Variants in STXBP5 observed in about 807,000 individuals in gnomAD.
The protein encoded by STXBP5 is syntaxin-binding protein 5.
In STXBP5, 50 loss-of-function variants were observed where a neutral mutation model predicts 152.4. The observed-to-expected ratio is 0.33, with a 90% CI of 0.26 to 0.42. The LOEUF (loss-of-function observed/expected upper bound fraction) is 0.42, where lower values mean the gene tolerates loss of function less well. Among genes scored for constraint, STXBP5 ranks in the 10% least tolerant of loss-of-function variants. The pLI is 1.00. For synonymous variants in STXBP5, 492 were observed against 494.7 expected (o/e 0.99, Z 0.07); for missense variants, 1,167 against 1,388.6 (o/e 0.84, Z 2.54).
chr6:147,242,899 A>G (rs920069205), intron 4 of STXBP5, among the ~76,000 whole-genome samples: 1 of 152,204 alleles, frequency 6.6e-6, no homozygotes, highest in Admixed American at 6.5e-5. Flanking sequence ...ACTGAGCAAT[A>G]TGCATTTAAT....
intron 4 of STXBP5, among the ~76,000 whole-genome samples, chr6:147,248,388 A>G (rs1438331946): frequency 6.6e-6 from 1 of 152,134 alleles, no homozygotes; most frequent in Non-Finnish European, 1.5e-5. Flanking sequence ...GCAAATGTAT[A>G]TTACAATATG....
At chr6:147,229,248 G>A (rs530849828) in intron 2 of STXBP5, among the ~76,000 whole-genome samples, 3 of 151,856 alleles carry the variant, frequency 2.0e-5, no homozygotes, top group East Asian at 1.9e-4. Context: ...ATTTGTTTTC[G>A]TGAATAATTC....
chr6:147,358,846 G>A (rs574069523), intron 22 of STXBP5, among the ~76,000 whole-genome samples: 1 of 152,224 alleles, frequency 6.6e-6, no homozygotes, highest in South Asian at 2.1e-4. Flanking sequence ...GAGAAAGAGG[G>A]AGGGGTTGGT....
At chr6:147,272,064 T>C (rs1780199401) in intron 7 of STXBP5, among the ~76,000 whole-genome samples, 1 of 152,158 alleles carries the variant, frequency 6.6e-6, no homozygotes, top group African/African-American at 2.4e-5. Flanking sequence ...GTACCGACGC[T>C]CACTCTGAAA....
At chr6:147,276,008 T>C (rs1386852823) in intron 7 of STXBP5, among the ~76,000 whole-genome samples, 3 of 152,202 alleles carry the variant, frequency 2.0e-5, no homozygotes, top group African/African-American at 4.8e-5. Flanking sequence ...TCAGATTTGC[T>C]CCTAACCCAC....
intron 22 of STXBP5, among the ~76,000 whole-genome samples, chr6:147,357,390 A>G (rs1784863569): frequency 6.6e-6 from 1 of 152,146 alleles, no homozygotes; most frequent in Non-Finnish European, 1.5e-5. Context: ...ATTTCTCACA[A>G]TGAACTGAAA....
intron 5 of STXBP5, 52 bp from the exon 6 acceptor site, chr6:147,262,238 A>G (rs1169357130): frequency 9.2e-6 from 9 of 974,298 alleles, no homozygotes; most frequent in Admixed American, 2.5e-5. Context: ...ATATGTAGCC[A>G]TATTAAAATT....
At position 147,268,717 on chromosome 6, in the gene STXBP5, G is replaced by A. The variant is rs1780011361; in HGVS notation, c.714+1550G>A. 3.9e-5 allele frequency among the ~76,000 whole-genome samples: 6 copies of A among 152,310 alleles called. No homozygotes were observed. In the South Asian group the frequency reaches 1.0e-3, roughly 26 times the overall value. Reference sequence around the variant, plus strand: ...GGTTTTGCTTATTATTTTAAATAGTGATCTAGGCTTGAGCCATTATGGAGT... The same window carrying A: ...GGTTTTGCTTATTATTTTAAATAGTAATCTAGGCTTGAGCCATTATGGAGT... On this transcript the variant is annotated intron_variant, in intron 7 of 27. Coordinates refer to ENST00000321680, the MANE Select transcript of STXBP5 (RefSeq NM_001127715.4).
At chr6:147,383,688 C>T (rs1291737399) in intron 27 of STXBP5, among the ~76,000 whole-genome samples, 1 of 152,050 alleles carries the variant, frequency 6.6e-6, no homozygotes, top group African/African-American at 2.4e-5. Context: ...CCTAGGCTGG[C>T]CCTGGAGGAC....
At chr6:147,215,507 A>T (rs1294952517) in intron 2 of STXBP5, among the ~76,000 whole-genome samples, 1 of 152,008 alleles carries the variant, frequency 6.6e-6, no homozygotes, top group Non-Finnish European at 1.5e-5. Flanking sequence ...CAGTCCCCCA[A>T]GTAGCTGGGA....
At chr6:147,217,384 T>C (rs868454114) in intron 2 of STXBP5, among the ~76,000 whole-genome samples, 10 of 152,244 alleles carry the variant, frequency 6.6e-5, no homozygotes, top group African/African-American at 1.7e-4. Context: ...TTTTTACTTA[T>C]ATGTGAGAAT....
Position 147,231,803 on chromosome 6 carries a change from C to T in STXBP5, c.249-3447C>T, listed in dbSNP as rs939715034. ...GGAAATCACTTACTAAGCAGATCTT[C>T]ATTATAGTGTTTGACTATTTCTTAA... On this transcript the variant is annotated intron_variant, in intron 2 of 27. Coordinates refer to ENST00000321680, the MANE Select transcript of STXBP5 (RefSeq NM_001127715.4). 4.9e-4 allele frequency among the ~76,000 whole-genome samples: 75 copies of T among 151,774 alleles called. 1 individual carries two copies. Among genetic ancestry groups the T allele is most frequent in the African/African-American group, 1.7e-3 (71 of 41,468 alleles).
Position 147,284,561 on chromosome 6 carries a change from G to T in STXBP5, c.838+6357G>T, listed in dbSNP as rs184705981. 1.3e-3 allele frequency among the ~76,000 whole-genome samples: 191 copies of T among 152,314 alleles called. 1 individual carries two copies. Among genetic ancestry groups the T allele is most frequent in the Non-Finnish European group, 2.2e-3 (152 of 68,020 alleles). ...ATATGGAAACAAATAAGTGGTGACT[G>T]GTTTTGGGTAAAAGGTGTTGGACTA... On this transcript the variant is annotated intron_variant, in intron 8 of 27. Coordinates refer to ENST00000321680, the MANE Select transcript of STXBP5 (RefSeq NM_001127715.4).
intron 9 of STXBP5, among the ~76,000 whole-genome samples, chr6:147,304,255 G>C (rs1016845428): frequency 6.6e-6 from 1 of 152,168 alleles, no homozygotes; most frequent in Non-Finnish European, 1.5e-5. Context: ...TTGGTGCCCT[G>C]TGTCCCAGCC....
At chr6:147,224,760 T>C (rs1777627363) in intron 2 of STXBP5, among the ~76,000 whole-genome samples, 1 of 152,194 alleles carries the variant, frequency 6.6e-6, no homozygotes, top group South Asian at 2.1e-4. Context: ...TGATGCTCAA[T>C]TTTTTTAAAT....
At chr6:147,309,990 ATT>A (rs1157421411) in intron 9 of STXBP5, 92 bp from the exon 10 acceptor site, 56 of 888,246 alleles carry the variant, frequency 6.3e-5, no homozygotes, top group Non-Finnish European at 7.4e-5. Context: ...AGAATTTAAG[ATT>A]TTGTTATTTC....
chr6:147,332,418 G>A (rs1209292550), intron 18 of STXBP5, among the ~76,000 whole-genome samples: 1 of 152,196 alleles, frequency 6.6e-6, no homozygotes. Context: ...ATAAAATAGA[G>A]TGTCTAGATG....
At chr6:147,257,226 T>C (rs74474575) in intron 4 of STXBP5, among the ~76,000 whole-genome samples, 2,147 of 151,020 alleles carry the variant, frequency 0.014, 51 homozygotes, top group Admixed American at 0.052. Flanking sequence ...TTTAGTGGCA[T>C]ACTGAGGGGA....
chr6:147,214,217 ATCT>A (rs1289611383), intron 2 of STXBP5, among the ~76,000 whole-genome samples: 1 of 152,152 alleles, frequency 6.6e-6, no homozygotes, highest in Non-Finnish European at 1.5e-5. Context: ...CTTTTTCATG[ATCT>A]TCTGTATATC....
Sources: gnomAD v4.1 joint callset for allele counts (sites outside exome capture counted in the v4.1 genomes callset) on GRCh38, gnomAD v4.1.1 for gene constraint, MANE v1.5 for transcripts, NCBI Gene and HGNC (gene_info 2026-07-23, HGNC 2026-07-21) for gene names.